Variants in ATAD3A observed in about 807,000 individuals in gnomAD.
ATAD3A encodes the protein ATPase family AAA domain containing 3A.
ATAD3A carries 46 observed loss-of-function variants against 73.8 expected under a neutral mutation model. The observed-to-expected ratio is 0.62, with a 90% CI of 0.49 to 0.80. The LOEUF is 0.80. Among genes scored for constraint, ATAD3A ranks in the 30% least tolerant of loss-of-function variants. The pLI is 0.00. For synonymous variants in ATAD3A, 319 were observed against 350.0 expected (o/e 0.91, Z 0.99); for missense variants, 705 against 838.0 (o/e 0.84, Z 1.96).
At chr1:1,524,229 C>G (rs369848367) in intron 10 of ATAD3A, 44 bp from the exon 11 acceptor site, 1 of 1,613,568 alleles carries the variant, frequency 6.2e-7, no homozygotes, top group African/African-American at 1.3e-5. Context: ...TTTGCAGAGG[C>G]GGAGGGAACA....
chr1:1,513,667 G>A (rs551759297), intron 1 of ATAD3A, among the ~76,000 whole-genome samples: 81 of 152,244 alleles, frequency 5.3e-4, no homozygotes, highest in Non-Finnish European at 9.7e-4. Flanking sequence ...ACTGCTGGCA[G>A]GTGAGAGAGG....
Position 1,523,600 on chromosome 1 carries a change from A to T in ATAD3A, c.963+33A>T, listed in dbSNP as rs752770908. The T allele has an allele frequency of 1.9e-6, 3 of 1,612,000 alleles. No homozygotes were observed. Among genetic ancestry groups the T allele is most frequent in the Middle Eastern group, 2.0e-4 (1 of 5,058 alleles). On this transcript the variant is annotated intron_variant, in intron 9 of 15. Transcript: ENST00000378756. This position sits in a 1 kb window ranked among gnomAD's most constrained non-coding sequence, Gnocchi z 5.1. ...GGTGTGCCTGGGACCGGGGAGGCGC[A>T]GGGAGGGGACCCTGGAGCTGGGCCG...
At chr1:1,528,793 A>G (rs2100680621) in intron 14 of ATAD3A, among the ~76,000 whole-genome samples, 1 of 152,324 alleles carries the variant, frequency 6.6e-6, no homozygotes. Context: ...GCTCCATGCC[A>G]GCCCAGCTTT....
chr1:1,514,985 A>G (rs1570317934), intron 1 of ATAD3A, among the ~76,000 whole-genome samples: 4 of 152,240 alleles, frequency 2.6e-5, no homozygotes, highest in African/African-American at 9.6e-5. Flanking sequence ...GCAGTTCTCC[A>G]GCCTTGGCCT....
At chr1:1,521,104 T>C (rs890579320) in intron 7 of ATAD3A, among the ~76,000 whole-genome samples, 4 of 151,738 alleles carry the variant, frequency 2.6e-5, no homozygotes, top group Admixed American at 6.6e-5. Context: ...GAGACCATCC[T>C]GGCTAACACG....
intron 5 of ATAD3A, among the ~76,000 whole-genome samples, chr1:1,519,919 T>TCCG (rs1641520158): frequency 6.6e-6 from 1 of 152,266 alleles, no homozygotes; most frequent in South Asian, 2.1e-4. Flanking sequence ...CCTTAGCCTA[T>TCCG]TGGCGGCGTG....
chr1:1,517,235 C>A (rs2478791), intron 2 of ATAD3A, 76 bp from the exon 3 acceptor site: 30 of 1,524,292 alleles, frequency 2.0e-5, no homozygotes, highest in Non-Finnish European at 2.6e-5. Flanking sequence ...GTGCCGGAGC[C>A]GTGCAGACAC....
At chr1:1,517,631 C>G in intron 3 of ATAD3A, 85 bp from the exon 4 acceptor site, 1 of 830,908 alleles carries the variant, frequency 1.2e-6, no homozygotes, top group Non-Finnish European at 1.9e-6. Context: ...GCTGATGGCG[C>G]GTCGGAGTCC....
chr1:1,527,885 C>A (rs1027716532), intron 14 of ATAD3A, 23 bp downstream of exon 14: 3 of 1,605,906 alleles, frequency 1.9e-6, no homozygotes, highest in Admixed American at 3.4e-5. Flanking sequence ...CCCCACCAGC[C>A]CCCGTCCAGG....
At chr1:1,525,336 GCA>G in intron 12 of ATAD3A, 45 bp downstream of exon 12, 1 of 1,611,778 alleles carries the variant, frequency 6.2e-7, no homozygotes, top group Non-Finnish European at 8.5e-7. Context: ...GGTGGGGTGG[GCA>G]CAGCCGTCTG....
At chr1:1,526,026 C>CTT (rs1159825001) in intron 12 of ATAD3A, among the ~76,000 whole-genome samples, 4 of 141,596 alleles carry the variant, frequency 2.8e-5, no homozygotes, top group African/African-American at 5.2e-5. Flanking sequence ...TTTTCTTTTT[C>CTT]TTTTTTTTTT....
At chr1:1,517,229 C>G (rs751053415) in intron 2 of ATAD3A, 82 bp from the exon 3 acceptor site, 1 of 1,545,680 alleles carries the variant, frequency 6.5e-7, no homozygotes, top group Non-Finnish European at 8.7e-7. Context: ...TCTGCCGTGC[C>G]GGAGCCGTGC....
At chr1:1,518,592 T>C (rs536583857) in intron 4 of ATAD3A, among the ~76,000 whole-genome samples, 130 of 94,580 alleles carry the variant, frequency 1.4e-3, no homozygotes, top group African/African-American at 3.2e-3. Flanking sequence ...CACCCGCACA[T>C]GGGCACACAC....
chr1:1,515,140 C>T (rs1319059483), intron 1 of ATAD3A, among the ~76,000 whole-genome samples: 3 of 152,164 alleles, frequency 2.0e-5, no homozygotes, highest in South Asian at 2.1e-4. Flanking sequence ...TGCAGCGGTG[C>T]GATCTGGGTT....
chr1:1,529,409 C>G, intron 15 of ATAD3A, 78 bp downstream of exon 15: 1 of 1,503,636 alleles, frequency 6.7e-7, no homozygotes, highest in Non-Finnish European at 8.9e-7. Context: ...AGGCCTGTCC[C>G]AGCACCGGTG....
intron 7 of ATAD3A, among the ~76,000 whole-genome samples, chr1:1,521,741 T>C (rs756818535): frequency 8.5e-5 from 13 of 152,214 alleles, no homozygotes; most frequent in African/African-American, 3.1e-4. Context: ...TGCTCTGTGG[T>C]CAGACTGGAG....
Position 1,523,862 on chromosome 1 carries a change from C to T in ATAD3A, c.987C>T (p.Arg329=), listed in dbSNP as rs144675607. 6.8e-5 allele frequency: 110 copies of T among 1,613,882 alleles called. No homozygotes were observed. The highest frequency in any genetic ancestry group is 8.3e-5 in the Non-Finnish European group (98 of 1,180,024). Residue 329 remains arginine, a synonymous_variant, in exon 10 of 16, where the codon CGC becomes CGT. Transcript: ENST00000378756. This position sits in a 1 kb window ranked among gnomAD's most constrained non-coding sequence, Gnocchi z 5.1. ...VLSPSLEARV[R]DIAIATRNTK... ...AGCCCAGCCTGGAAGCACGGGTGCG[C>T]GACATCGCCATAGCAACAAGGAACA... is the stretch of plus-strand genomic sequence containing the variant.
intron 4 of ATAD3A, among the ~76,000 whole-genome samples, chr1:1,518,175 C>T (rs1423544011): frequency 1.3e-5 from 2 of 151,026 alleles, no homozygotes; most frequent in Non-Finnish European, 3.0e-5. Flanking sequence ...GGCAGGCACA[C>T]ACCCACATGG....
rs1206753887 is a variant in ATAD3A at position 1,525,220 on chromosome 1, G to C, written c.1215-20G>C. 1.1e-5 allele frequency: 17 copies of C among 1,613,552 alleles called. No individual in the cohort carries two copies. The highest frequency in any genetic ancestry group is 1.4e-5 in the Non-Finnish European group (17 of 1,179,912). On this transcript the variant is annotated intron_variant, in intron 11 of 15. Transcript: ENST00000378756. The stretch of plus-strand genomic sequence containing the variant: ...TCCTGGTGTCACTCTCGCCCTGCTT[G>C]GCCTCCCTCTCGTTCACAGCCTCCT...
Sources: gnomAD v4.1 joint callset for allele counts (sites outside exome capture counted in the v4.1 genomes callset) on GRCh38, gnomAD v4.1.1 for gene constraint, Gnocchi (gnomAD v3.1) non-coding constraint, MANE v1.5 for transcripts, NCBI Gene and HGNC (gene_info 2026-07-23, HGNC 2026-07-21) for gene names.